The following COG5 variants were observed in gnomAD, a reference collection of about 807,000 sequenced individuals.
COG5 encodes the protein conserved oligomeric Golgi complex subunit 5.
In COG5, 86 loss-of-function variants were observed where a neutral mutation model predicts 110.4. The ratio of observed to expected loss-of-function variants is 0.78; its 90% CI spans 0.65 to 0.93. The LOEUF (loss-of-function observed/expected upper bound fraction) is 0.93, where lower values mean the gene tolerates loss of function less well. COG5 is among the 40% of genes least tolerant of loss of function. The pLI is 0.00. For synonymous variants in COG5, 360 were observed against 334.6 expected (o/e 1.08, Z -0.83); for missense variants, 1,077 against 987.0 (o/e 1.09, Z -1.22).
At chr7:107,291,447 T>C (rs1806164473) in intron 12 of COG5, among the ~76,000 whole-genome samples, 1 of 152,134 alleles carries the variant, frequency 6.6e-6, no homozygotes, top group Non-Finnish European at 1.5e-5. Flanking sequence ...CTTGTTATTG[T>C]TGTTTGCTTT....
intron 7 of COG5, among the ~76,000 whole-genome samples, chr7:107,392,566 A>G (rs1432175094): frequency 1.3e-5 from 2 of 152,130 alleles, no homozygotes; most frequent in Non-Finnish European, 2.9e-5. Flanking sequence ...GGTAAAATAA[A>G]GCTTAAAAGG....
chr7:107,507,216 T>TTCAA (rs1173101985), intron 6 of COG5, among the ~76,000 whole-genome samples: 3 of 152,236 alleles, frequency 2.0e-5, no homozygotes, highest in African/African-American at 7.2e-5. Context: ...TGCAGCTTCT[T>TTCAA]TCAAAGCTCA....
At chr7:107,404,163 C>T (rs539810279) in intron 7 of COG5, among the ~76,000 whole-genome samples, 1 of 152,204 alleles carries the variant, frequency 6.6e-6, no homozygotes, top group Admixed American at 6.5e-5. Flanking sequence ...GCTATTTTAA[C>T]TTTTACAATG....
At chr7:107,284,711 T>C (rs1215332150) in intron 12 of COG5, among the ~76,000 whole-genome samples, 1 of 152,202 alleles carries the variant, frequency 6.6e-6, no homozygotes, top group Non-Finnish European at 1.5e-5. Flanking sequence ...TTCATGCTGA[T>C]TTTCATTTAG....
At chr7:107,341,092 C>T (rs1051889341) in intron 10 of COG5, among the ~76,000 whole-genome samples, 6 of 152,054 alleles carry the variant, frequency 3.9e-5, no homozygotes, top group African/African-American at 1.4e-4. Flanking sequence ...CAAAATTATG[C>T]CTTCTCTGAC....
chr7:107,491,730 T>C (rs1416956779), intron 6 of COG5, among the ~76,000 whole-genome samples: 4 of 152,102 alleles, frequency 2.6e-5, no homozygotes, highest in Admixed American at 6.6e-5. Context: ...TTCCTCACAA[T>C]ACAATGTGAA....
intron 16 of COG5, among the ~76,000 whole-genome samples, chr7:107,254,387 T>TC (rs1014524954): frequency 2.0e-4 from 30 of 151,318 alleles, no homozygotes; most frequent in African/African-American, 7.3e-4. Context: ...TAAGTCAGGT[T>TC]TTTTTTTTAC....
At chr7:107,439,692 T>A (rs1794590002) in intron 6 of COG5, among the ~76,000 whole-genome samples, 1 of 152,162 alleles carries the variant, frequency 6.6e-6, no homozygotes, top group Non-Finnish European at 1.5e-5. Flanking sequence ...ATGTAATAGA[T>A]CCTTTTGAGT....
At chr7:107,319,157 A>T in intron 11 of COG5, among the ~76,000 whole-genome samples, 1 of 149,382 alleles carries the variant, frequency 6.7e-6, no homozygotes, top group Admixed American at 6.7e-5. Flanking sequence ...TATATTTTTC[A>T]TATGTGGAGG....
At chr7:107,509,242 T>G (rs1441219502) in intron 6 of COG5, among the ~76,000 whole-genome samples, 1 of 151,938 alleles carries the variant, frequency 6.6e-6, no homozygotes, top group Non-Finnish European at 1.5e-5. Context: ...AAGAACTACG[T>G]GAAGAATGCA....
At chr7:107,219,142 A>C (rs1178274380) in intron 19 of COG5, among the ~76,000 whole-genome samples, 1 of 152,216 alleles carries the variant, frequency 6.6e-6, no homozygotes, top group African/African-American at 2.4e-5. Context: ...CCACAATGAG[A>C]TATCACCTCA....
At chr7:107,412,819 G>T (rs1160817592) in intron 6 of COG5, among the ~76,000 whole-genome samples, 187 bp from the exon 7 acceptor site, 5 of 151,898 alleles carry the variant, frequency 3.3e-5, no homozygotes, top group African/African-American at 1.2e-4. Context: ...AATTTATGCT[G>T]GAGTTAAATG....
intron 7 of COG5, among the ~76,000 whole-genome samples, chr7:107,375,653 C>T (rs886853018): frequency 6.6e-6 from 1 of 151,510 alleles, no homozygotes; most frequent in African/African-American, 2.4e-5. Context: ...TTGTGAAGAA[C>T]TTATTCATAT....
In COG5 at chr7:107,467,673, A is replaced by G. The variant is rs547983734; in HGVS notation, c.539-55041T>C. On this transcript the variant is annotated intron_variant, in intron 6 of 21. Transcript: ENST00000297135. ...GGTCTGTAATTAATTTTTTTCATGAAAATAATATAATCTGATTCTCAATCA... is the reference window on the plus strand; with the variant it reads ...GGTCTGTAATTAATTTTTTTCATGAGAATAATATAATCTGATTCTCAATCA... 2.2e-4 allele frequency among the ~76,000 whole-genome samples: 34 copies of G among 152,254 alleles called. 1 individual carries two copies. The highest frequency in any genetic ancestry group is 7.0e-4 in the African/African-American group (29 of 41,556).
At position 107,527,213 on chromosome 7, in the gene COG5, AT is replaced by A. The variant is rs201079440; in HGVS notation, c.538+23del. On this transcript the variant is annotated intron_variant, in intron 6 of 21. Transcript: ENST00000297135. ...ATATTTAAATCTCTACTAACTTTTT[AT>A]TTAAAAAAAAAAAAAAACTTACCAA... is the stretch of plus-strand genomic sequence containing the variant. 2.7e-6 allele frequency: 4 copies of A among 1,468,036 alleles called. No homozygotes were observed. In the African/African-American group the frequency reaches 6.1e-5, roughly 22 times the overall value. The allele number at this position is 1,468,036 out of a possible 1,614,324, so 90.9% of individuals were successfully genotyped here.
At chr7:107,519,238 G>T (rs1354396317) in intron 6 of COG5, among the ~76,000 whole-genome samples, 1 of 152,030 alleles carries the variant, frequency 6.6e-6, no homozygotes, top group Non-Finnish European at 1.5e-5. Flanking sequence ...ACAATTAAAA[G>T]AACTAGAGAA....
intron 7 of COG5, among the ~76,000 whole-genome samples, chr7:107,381,880 C>T (rs1480735677): frequency 6.6e-6 from 1 of 152,098 alleles, no homozygotes; most frequent in Non-Finnish European, 1.5e-5. Context: ...AAGGTATACC[C>T]CCCGTGATCA....
intron 6 of COG5, among the ~76,000 whole-genome samples, chr7:107,509,776 G>C (rs1219966967): frequency 6.6e-6 from 1 of 152,088 alleles, no homozygotes; most frequent in African/African-American, 2.4e-5. Context: ...TTTCAACCCA[G>C]AATTTTCATA....
At chr7:107,297,577 T>G (rs1372245255) in intron 12 of COG5, among the ~76,000 whole-genome samples, 2 of 150,608 alleles carry the variant, frequency 1.3e-5, no homozygotes, top group African/African-American at 4.9e-5. Flanking sequence ...GTCTCCCGAG[T>G]AGATGGGATT....
Sources: allele counts gnomAD v4.1 joint callset (sites outside exome capture counted in the v4.1 genomes callset), GRCh38; gene constraint gnomAD v4.1.1; transcripts MANE v1.5; gene names NCBI Gene and HGNC (gene_info 2026-07-23, HGNC 2026-07-21).